The following HECW2 variants were observed in gnomAD, a reference collection of about 807,000 sequenced individuals.
HECW2 encodes HECT, C2 and WW domain containing E3 ubiquitin protein ligase 2, also known as E3 ubiquitin-protein ligase HECW2.
HECW2 carries 61 observed loss-of-function variants against 175.2 expected under a neutral mutation model. The observed-to-expected ratio is 0.35, with a 90% confidence interval of 0.28 to 0.43. The LOEUF (loss-of-function observed/expected upper bound fraction) is 0.43, where lower values mean the gene tolerates loss of function less well. Among genes scored for constraint, HECW2 ranks in the 20% least tolerant of loss-of-function variants. The pLI, the probability that HECW2 is intolerant of heterozygous loss-of-function variation, is 1.00. For missense variants in HECW2, 1,524 were observed against 2,000.5 expected (o/e 0.76, Z 4.54); for synonymous variants, 671 against 731.0 (o/e 0.92, Z 1.32).
intron 1 of HECW2, among the ~76,000 whole-genome samples, chr2:196,592,206 A>T (rs891395131): frequency 2.6e-5 from 4 of 152,192 alleles, no homozygotes; most frequent in Non-Finnish European, 5.9e-5. Flanking sequence ...AGCAGAAATC[A>T]TAACCCAAAA....
At chr2:196,294,619 C>T (rs1014604072) in intron 13 of HECW2, among the ~76,000 whole-genome samples, 4 of 152,188 alleles carry the variant, frequency 2.6e-5, no homozygotes, top group Admixed American at 6.5e-5. Context: ...ATTGTCTTTG[C>T]TGTACCCAGT....
intron 1 of HECW2, among the ~76,000 whole-genome samples, chr2:196,574,828 C>G (rs940156329): frequency 6.6e-6 from 1 of 152,100 alleles, no homozygotes; most frequent in African/African-American, 2.4e-5. Context: ...AAAAAACAGA[C>G]ATATAGCCTA....
At chr2:196,430,103 A>G (rs566132048) in intron 2 of HECW2, among the ~76,000 whole-genome samples, 23 of 152,334 alleles carry the variant, frequency 1.5e-4, no homozygotes, top group African/African-American at 4.8e-4. Context: ...ATGTACTAAT[A>G]TAAGGCCTAC....
intron 2 of HECW2, among the ~76,000 whole-genome samples, chr2:196,410,900 C>T (rs1695091047): frequency 6.7e-6 from 1 of 148,670 alleles, no homozygotes; most frequent in African/African-American, 2.5e-5. Context: ...AGCATACAGA[C>T]AGCAGTGATA....
At chr2:196,300,851 A>G (rs1691021201) in intron 13 of HECW2, among the ~76,000 whole-genome samples, 1 of 132,996 alleles carries the variant, frequency 7.5e-6, no homozygotes, top group South Asian at 2.6e-4. Context: ...GAACACTACC[A>G]TGCAATCAGT....
In HECW2 at chr2:196,491,363, T is replaced by TAC. The variant is rs1465103851; in HGVS notation, c.-35-57906_-35-57905insGT. Among the ~76,000 whole-genome samples the TAC allele has an allele frequency of 9.0e-3, 620 of 68,592 alleles. 5 individuals are homozygous for TAC. The highest frequency in any genetic ancestry group is 0.029 in the African/African-American group (549 of 18,972). 45.0% of individuals were successfully genotyped at this position (68,592 alleles called of 152,430 possible). ...TGTCTAAAACAAATACAAAATCATA[T>TAC]ATATATACACACACACACACACACA... On this transcript the variant is annotated intron_variant, in intron 1 of 28. Coordinates refer to ENST00000644978, the MANE Select transcript of HECW2 (RefSeq NM_001348768.2).
At chr2:196,519,034 T>G (rs1688250576) in intron 1 of HECW2, among the ~76,000 whole-genome samples, 1 of 152,206 alleles carries the variant, frequency 6.6e-6, no homozygotes, top group South Asian at 2.1e-4. Flanking sequence ...TTGTTTCAAC[T>G]ATTTCCCAAA....
intron 1 of HECW2, among the ~76,000 whole-genome samples, chr2:196,461,188 G>A (rs1464424109): frequency 2.0e-5 from 3 of 152,116 alleles, no homozygotes; most frequent in Non-Finnish European, 4.4e-5. Context: ...GAGAAAGAAA[G>A]GCAGGCAGGC....
chr2:196,505,090 CT>C (rs1407673672), intron 1 of HECW2, among the ~76,000 whole-genome samples: 2 of 152,112 alleles, frequency 1.3e-5, no homozygotes, highest in African/African-American at 4.8e-5. Context: ...GAGACATCAG[CT>C]CCATCATGCC....
intron 23 of HECW2, among the ~76,000 whole-genome samples, chr2:196,223,012 T>C (rs544333664): frequency 1.1e-4 from 17 of 152,216 alleles, no homozygotes; most frequent in East Asian, 7.7e-4. Context: ...GTGGTAGTCA[T>C]TGATTTGCTA....
chr2:196,591,408 TC>T (rs1559192568), intron 1 of HECW2, among the ~76,000 whole-genome samples: 1 of 152,162 alleles, frequency 6.6e-6, no homozygotes, highest in Admixed American at 6.5e-5. Context: ...CAACTGATTT[TC>T]CCCCAGAAGC....
intron 28 of HECW2, among the ~76,000 whole-genome samples, chr2:196,210,503 G>C (rs1302268129): frequency 3.3e-5 from 5 of 151,576 alleles, no homozygotes; most frequent in Admixed American, 2.0e-4. Context: ...GTGGACATTG[G>C]GTGGACATTG....
At chr2:196,520,391 C>T (rs1688318767) in intron 1 of HECW2, among the ~76,000 whole-genome samples, 1 of 152,126 alleles carries the variant, frequency 6.6e-6, no homozygotes, top group South Asian at 2.1e-4. Context: ...CCCAACCCTA[C>T]GTAGTTAACA....
chr2:196,320,487 C>G, intron 7 of HECW2, 48 bp from the exon 8 acceptor site: 5 of 1,241,458 alleles, frequency 4.0e-6, no homozygotes, highest in African/African-American at 1.5e-5. Context: ...CTGGAGTCAG[C>G]CTTCGCCGTC....
chr2:196,560,423 G>A (rs545374174), intron 1 of HECW2, among the ~76,000 whole-genome samples: 10 of 152,154 alleles, frequency 6.6e-5, no homozygotes, highest in South Asian at 2.1e-4. Flanking sequence ...CTGGGATTAC[G>A]GGCCTGAGCC....
intron 2 of HECW2, among the ~76,000 whole-genome samples, chr2:196,430,217 T>C (rs1181686939): frequency 6.6e-6 from 1 of 151,986 alleles, no homozygotes; most frequent in Admixed American, 6.6e-5. Context: ...AGTAGAAAAA[T>C]ACACTGGCCT....
chr2:196,440,145 T>C (rs887465073), intron 1 of HECW2, among the ~76,000 whole-genome samples: 1 of 152,182 alleles, frequency 6.6e-6, no homozygotes, highest in Non-Finnish European at 1.5e-5. Context: ...TGGGTCCAAA[T>C]TGTCGGTTAT....
At chr2:196,248,269 T>C (rs1057417756) in intron 19 of HECW2, among the ~76,000 whole-genome samples, 2 of 152,102 alleles carry the variant, frequency 1.3e-5, no homozygotes. Context: ...TAAAGGGAAA[T>C]GTAAAGGGTC....
chr2:196,568,688 G>C (rs1340404668), intron 1 of HECW2, among the ~76,000 whole-genome samples: 1 of 152,176 alleles, frequency 6.6e-6, no homozygotes, highest in Non-Finnish European at 1.5e-5. Context: ...CTCTTGCAAT[G>C]CTGGGTAGTG....
Sources: gnomAD v4.1 joint callset for allele counts (sites outside exome capture counted in the v4.1 genomes callset) on GRCh38, gnomAD v4.1.1 for gene constraint, MANE v1.5 for transcripts, NCBI Gene and HGNC (gene_info 2026-07-23, HGNC 2026-07-21) for gene names.